Variants in SNX29 observed in about 807,000 individuals in gnomAD.
SNX29 encodes the protein sorting nexin 29, also known as sorting nexin-29.
Under a neutral mutation model 102.1 loss-of-function variants are expected in SNX29, and 78 were observed. The ratio of observed to expected loss-of-function variants is 0.76; its 90% CI spans 0.64 to 0.92. The LOEUF is 0.92. SNX29 is among the 40% of genes least tolerant of loss of function. The probability of loss-of-function intolerance (pLI) is 0.00; values close to 1 mark genes in which losing one functional copy is unlikely to be tolerated. For synonymous variants in SNX29, 580 were observed against 414.5 expected, an observed-to-expected ratio of 1.40 and a Z score of -4.85; for missense variants, 1,280 against 1,061.7, an observed-to-expected ratio of 1.21 and a Z score of -2.86.
At chr16:12,488,448 C>T (rs1005438026) in intron 19 of SNX29, among the ~76,000 whole-genome samples, 13 of 152,202 alleles carry the variant, frequency 8.5e-5, no homozygotes, top group South Asian at 2.1e-4. Context: ...CAGTCCCCCC[C>T]GTCCCCGCAC....
At position 12,061,553 on chromosome 16, in the gene SNX29, TCCCA is replaced by T. The variant is rs749082406; in HGVS notation, c.1151_1154del (p.Ser384Ter). 9 of 1,608,726 alleles carry T rather than the reference TCCCA, an allele frequency of 5.6e-6. No individual in the cohort carries two copies. Among genetic ancestry groups the T allele is most frequent in the Non-Finnish European group, 7.6e-6 (9 of 1,178,112 alleles). On this transcript the variant is annotated frameshift_variant, in exon 9 of 21. Coordinates refer to ENST00000566228, the MANE Select transcript of SNX29 (RefSeq NM_032167.5). LOFTEE classifies it high-confidence loss of function. ...GCCACTGGAAGGGAACACCTGCCTC[TCCCA>T]GATGCACAGCTGGGCTCCGCTGAAG...
At chr16:12,482,864 A>G (rs2088012772) in intron 19 of SNX29, among the ~76,000 whole-genome samples, 1 of 152,182 alleles carries the variant, frequency 6.6e-6, no homozygotes, top group Non-Finnish European at 1.5e-5. Context: ...CAAAATTAGC[A>G]TGTTGTATAG....
At chr16:12,352,095 T>C (rs139418467) in intron 15 of SNX29, among the ~76,000 whole-genome samples, 100 of 152,232 alleles carry the variant, frequency 6.6e-4, no homozygotes, top group African/African-American at 2.2e-3. Flanking sequence ...TTTAAAAAAT[T>C]TGATAGACTT....
intron 11 of SNX29, among the ~76,000 whole-genome samples, chr16:12,113,013 G>A (rs886789698): frequency 2.6e-5 from 4 of 152,324 alleles, no homozygotes; most frequent in African/African-American, 9.6e-5. Context: ...AGATCCACAT[G>A]ATTCCCATTG....
At chr16:12,487,193 TAGGTA>T (rs1477156403) in intron 19 of SNX29, among the ~76,000 whole-genome samples, 4 of 152,130 alleles carry the variant, frequency 2.6e-5, no homozygotes, top group Non-Finnish European at 5.9e-5. Flanking sequence ...TCAGGTTTGT[TAGGTA>T]AGGGGCATTG....
At chr16:12,412,761 AG>A (rs1277872204) in intron 18 of SNX29, among the ~76,000 whole-genome samples, 2 of 152,268 alleles carry the variant, frequency 1.3e-5, no homozygotes, top group African/African-American at 4.8e-5. Flanking sequence ...AATAGTCTAT[AG>A]GTAGAGGTGG....
Position 12,552,978 on chromosome 16 carries a change from G to A in SNX29, c.2319-15528G>A, listed in dbSNP as rs543177499. Among the ~76,000 whole-genome samples, 90 of 152,376 alleles carry A rather than the reference G, an allele frequency of 5.9e-4. No individual in the cohort carries two copies. The South Asian group carries it at 0.016, about 26-fold the overall frequency. Reference sequence around the variant, plus strand: ...AACATGGATTGTATTGAGTGCAGCAGGCACTGTCTGAGGGGCTGAAATCAG... The same window carrying A: ...AACATGGATTGTATTGAGTGCAGCAAGCACTGTCTGAGGGGCTGAAATCAG... On this transcript the variant is annotated intron_variant, in intron 20 of 20. Transcript: ENST00000566228.
chr16:12,190,306 A>T (rs996668342), intron 13 of SNX29, among the ~76,000 whole-genome samples: 3 of 152,042 alleles, frequency 2.0e-5, no homozygotes, highest in Non-Finnish European at 4.4e-5. Flanking sequence ...TTCCTTATGG[A>T]TGAGGGCAAT....
chr16:12,388,022 T>C (rs1395537768), intron 16 of SNX29, among the ~76,000 whole-genome samples: 2 of 152,064 alleles, frequency 1.3e-5, no homozygotes, highest in African/African-American at 2.4e-5. Flanking sequence ...ATACACTCCA[T>C]GCGTGTGGTT....
chr16:12,265,307 TCTG>T (rs1169250482), intron 14 of SNX29, among the ~76,000 whole-genome samples: 1 of 152,166 alleles, frequency 6.6e-6, no homozygotes, highest in Non-Finnish European at 1.5e-5. Flanking sequence ...CATCGAAGCC[TCTG>T]CTGGGCTCCA....
intron 13 of SNX29, among the ~76,000 whole-genome samples, chr16:12,170,526 G>A (rs2076123663): frequency 1.3e-5 from 2 of 151,848 alleles, no homozygotes; most frequent in Non-Finnish European, 2.9e-5. Flanking sequence ...GAGAGGAAAA[G>A]CTCAGGCAGA....
chr16:12,401,944 T>C (rs559322429), intron 17 of SNX29, among the ~76,000 whole-genome samples: 1 of 152,326 alleles, frequency 6.6e-6, no homozygotes, highest in African/African-American at 2.4e-5. Flanking sequence ...GTAACCTCGC[T>C]CTAACCCTGG....
intron 18 of SNX29, among the ~76,000 whole-genome samples, chr16:12,428,091 G>C (rs1036539658): frequency 6.6e-6 from 1 of 152,142 alleles, no homozygotes; most frequent in African/African-American, 2.4e-5. Flanking sequence ...TGAATATTCA[G>C]GGTTTTATTT....
intron 15 of SNX29, among the ~76,000 whole-genome samples, chr16:12,325,755 A>G (rs2081093610): frequency 6.6e-6 from 1 of 152,064 alleles, no homozygotes; most frequent in Non-Finnish European, 1.5e-5. Flanking sequence ...GGCCAGGCAC[A>G]GGGGGTTATG....
intron 11 of SNX29, chr16:12,089,654 G>A (rs1567197080): frequency 5.2e-6 from 1 of 190,672 alleles, no homozygotes; most frequent in Non-Finnish European, 1.1e-5. Context: ...GCTGCCAGAA[G>A]TGAGGGGGAG....
chr16:12,011,543 G>T (rs1281275815), intron 3 of SNX29, among the ~76,000 whole-genome samples: 1 of 152,028 alleles, frequency 6.6e-6, no homozygotes, highest in Non-Finnish European at 1.5e-5. Flanking sequence ...CCAAAGTGCT[G>T]GGATTATAGG....
chr16:12,307,419 T>C (rs993913095), intron 15 of SNX29, among the ~76,000 whole-genome samples: 2 of 152,200 alleles, frequency 1.3e-5, no homozygotes, highest in African/African-American at 2.4e-5. Context: ...GTGATGTCAC[T>C]AACATCATGA....
chr16:12,468,987 C>T (rs1033964811), intron 18 of SNX29, among the ~76,000 whole-genome samples: 3 of 152,164 alleles, frequency 2.0e-5, no homozygotes, highest in Non-Finnish European at 2.9e-5. Context: ...ATGGAGTGAA[C>T]GTAATCTGTG....
At chr16:11,984,640 C>G (rs1426942693) in intron 1 of SNX29, among the ~76,000 whole-genome samples, 1 of 152,134 alleles carries the variant, frequency 6.6e-6, no homozygotes, top group African/African-American at 2.4e-5. Context: ...CCCTCTCTCT[C>G]TCCCTTCCTC....
Sources: gnomAD v4.1 joint callset for allele counts (sites outside exome capture counted in the v4.1 genomes callset) on GRCh38, gnomAD v4.1.1 for gene constraint, MANE v1.5 for transcripts, NCBI Gene and HGNC (gene_info 2026-07-23, HGNC 2026-07-21) for gene names.